Variants in VAX2 observed in about 807,000 individuals in gnomAD.
VAX2 encodes ventral anterior homeobox 2.
Under a neutral mutation model 12.5 loss-of-function variants are expected in VAX2, and 8 were observed. The observed-to-expected ratio is 0.64, with a 90% confidence interval of 0.37 to 1.15. The LOEUF is 1.15. Among genes scored for constraint, VAX2 ranks in the 50% most tolerant of loss-of-function variants. The probability of loss-of-function intolerance (pLI) is 0.01; values close to 1 mark genes in which losing one functional copy is unlikely to be tolerated. For synonymous variants in VAX2, 183 were observed against 187.6 expected, an observed-to-expected ratio of 0.98 and a Z score of 0.20; for missense variants, 476 against 412.9, an observed-to-expected ratio of 1.15 and a Z score of -1.32.
intron 1 of VAX2, among the ~76,000 whole-genome samples, chr2:70,911,926 A>G (rs183631127): frequency 6.6e-6 from 1 of 152,162 alleles, no homozygotes; most frequent in Non-Finnish European, 1.5e-5. Context: ...TCCTTTCTAG[A>G]AAGTTATTTT....
intron 2 of VAX2, among the ~76,000 whole-genome samples, chr2:70,931,489 G>C (rs372262540): frequency 6.6e-6 from 1 of 152,214 alleles, no homozygotes; most frequent in Non-Finnish European, 1.5e-5. Context: ...CAAAGGCAGC[G>C]TGGCGGCCAG....
At chr2:70,923,607 C>T (rs966485404) in intron 2 of VAX2, among the ~76,000 whole-genome samples, 1 of 152,198 alleles carries the variant, frequency 6.6e-6, no homozygotes, top group Non-Finnish European at 1.5e-5. Context: ...CCACATCGCC[C>T]TCTGCAGGTT....
At chr2:70,911,241 C>A (rs10489991) in intron 1 of VAX2, among the ~76,000 whole-genome samples, 33,418 of 151,972 alleles carry the variant, frequency 0.22, 4,158 homozygotes, top group East Asian at 0.49. Context: ...CTTGCCATTT[C>A]ACTTAGTAGT....
At chr2:70,929,712 A>C (rs1415149781) in intron 2 of VAX2, among the ~76,000 whole-genome samples, 3 of 151,740 alleles carry the variant, frequency 2.0e-5, no homozygotes, top group Non-Finnish European at 4.4e-5. Context: ...TGTATATAGC[A>C]ATCTTTCCAG....
At chr2:70,916,637 G>A (rs930264860) in intron 1 of VAX2, among the ~76,000 whole-genome samples, 1 of 152,036 alleles carries the variant, frequency 6.6e-6, no homozygotes, top group East Asian at 1.9e-4. Context: ...TATAACTTTT[G>A]GGAACTGTTT....
intron 2 of VAX2, among the ~76,000 whole-genome samples, chr2:70,928,021 G>A (rs1424481700): frequency 1.3e-5 from 2 of 152,218 alleles, no homozygotes; most frequent in Non-Finnish European, 2.9e-5. Context: ...AAGTGGATAA[G>A]GACCGATCAC....
intron 2 of VAX2, among the ~76,000 whole-genome samples, chr2:70,931,706 G>A (rs1553414332): frequency 2.6e-5 from 4 of 152,218 alleles, no homozygotes; most frequent in African/African-American, 9.6e-5. Context: ...TCCGGCACCT[G>A]CCTGGGCCTC....
intron 1 of VAX2, among the ~76,000 whole-genome samples, chr2:70,911,517 T>C (rs558677226): frequency 3.5e-4 from 53 of 152,328 alleles, no homozygotes; most frequent in African/African-American, 1.2e-3. Context: ...GCATTATTCC[T>C]CTTCAAAAAC....
chr2:70,912,750 G>A (rs191520087), intron 1 of VAX2, among the ~76,000 whole-genome samples: 1 of 152,080 alleles, frequency 6.6e-6, no homozygotes, highest in Non-Finnish European at 1.5e-5. Flanking sequence ...CTTTGGAGGT[G>A]GGGGGGATGT....
chr2:70,926,213 GAGTAGGAAC>G (rs1394216165), intron 2 of VAX2, among the ~76,000 whole-genome samples: 1 of 152,154 alleles, frequency 6.6e-6, no homozygotes, highest in African/African-American at 2.4e-5. Flanking sequence ...GGGTCCACCA[GAGTAGGAAC>G]AGTGAACAAG....
intron 2 of VAX2, among the ~76,000 whole-genome samples, chr2:70,923,832 T>C (rs189423190): frequency 6.6e-6 from 1 of 152,252 alleles, no homozygotes; most frequent in East Asian, 1.9e-4. Context: ...GTCTCCTTGT[T>C]CAAGACTAAA....
chr2:70,922,728 C>T (rs895277403), intron 2 of VAX2, among the ~76,000 whole-genome samples: 2 of 152,114 alleles, frequency 1.3e-5, no homozygotes, highest in Non-Finnish European at 2.9e-5. Flanking sequence ...TCATCTCCAC[C>T]TGCACTTGTT....
chr2:70,903,962 A>T (rs1553410137), intron 1 of VAX2, among the ~76,000 whole-genome samples: 1 of 152,190 alleles, frequency 6.6e-6, no homozygotes, highest in East Asian at 1.9e-4. Context: ...GCCTCTGCGA[A>T]TACAGGGTGG....
Position 70,900,854 on chromosome 2 carries a change from G to T in VAX2, c.233G>T (p.Arg78Leu), listed in dbSNP as rs1228187768. 1 of 1,428,280 alleles carries T rather than the reference G, an allele frequency of 7.0e-7. No individual in the cohort carries two copies. Among genetic ancestry groups the T allele is most frequent in the Non-Finnish European group, 9.2e-7 (1 of 1,087,516 alleles). The allele number at this position is 1,428,280 out of a possible 1,614,324, so 88.5% of individuals were successfully genotyped here. A position where few individuals can be genotyped will look rare whatever the true frequency, so the allele number is the denominator to read the frequency against. Reference protein sequence around the residue: ...PGPGEADHCRRILVRDAKGTI... With the variant: ...PGPGEADHCRLILVRDAKGTI... ...CCCGGCGAGGCAGACCACTGCCGCC[G>T]CATACTGGTGCGAGGTAAGGGGACA... Residue 78 changes from arginine (R) to leucine (L), a missense_variant, in exon 1 of 3, where the codon CGC (arginine) becomes CTC (leucine). By Grantham distance (102) the Arg-to-Leu change is moderately radical. Transcript: ENST00000234392.
chr2:70,924,120 C>G (rs140144953), intron 2 of VAX2, among the ~76,000 whole-genome samples: 114 of 152,230 alleles, frequency 7.5e-4, no homozygotes, highest in Non-Finnish European at 1.3e-3. Flanking sequence ...ATGTTAGCTT[C>G]ACTGCACTCC....
At chr2:70,918,675 T>A (rs1679363980) in intron 1 of VAX2, among the ~76,000 whole-genome samples, 1 of 151,886 alleles carries the variant, frequency 6.6e-6, no homozygotes, top group African/African-American at 2.4e-5. Context: ...GGTGGGCAGA[T>A]CACGAGGTCA....
chr2:70,907,264 T>C (rs562660409), intron 1 of VAX2, among the ~76,000 whole-genome samples: 2 of 152,238 alleles, frequency 1.3e-5, no homozygotes, highest in Non-Finnish European at 2.9e-5. Flanking sequence ...CCCTCATATA[T>C]GTGGCGGCTT....
intron 1 of VAX2, among the ~76,000 whole-genome samples, chr2:70,902,483 G>A (rs1678955951): frequency 1.3e-5 from 2 of 152,170 alleles, no homozygotes; most frequent in Non-Finnish European, 2.9e-5. Flanking sequence ...AAAAATATCT[G>A]TAGGACTGCC....
At chr2:70,919,396 A>C (rs1429858142) in intron 1 of VAX2, among the ~76,000 whole-genome samples, 2 of 152,058 alleles carry the variant, frequency 1.3e-5, no homozygotes, top group Non-Finnish European at 2.9e-5. Context: ...AGAAGGTTAA[A>C]GTGCTTAAAA....
Sources: gnomAD v4.1 joint callset for allele counts (sites outside exome capture counted in the v4.1 genomes callset) on GRCh38, gnomAD v4.1.1 for gene constraint, MANE v1.5 for transcripts, NCBI Gene and HGNC (gene_info 2026-07-23, HGNC 2026-07-21) for gene names.